COQ4: variants seen among roughly 807,000 people sequenced by gnomAD.
The protein encoded by COQ4 is ubiquinone biosynthesis protein COQ4 homolog, mitochondrial.
A neutral mutation model predicts 30.2 loss-of-function variants in COQ4; 36 were observed. The ratio of observed to expected loss-of-function variants is 1.19; its 90% CI spans 0.91 to 1.57. The LOEUF (loss-of-function observed/expected upper bound fraction) is 1.57, where lower values mean the gene tolerates loss of function less well. COQ4 is among the 40% of genes most tolerant of loss of function. The pLI is 0.00. For synonymous variants in COQ4, 197 were observed against 161.0 expected (o/e 1.22, Z -1.69); for missense variants, 369 against 371.9 (o/e 0.99, Z 0.07).
chr9:128,332,484 C>G, intron 5 of COQ4: 1 of 619,432 alleles, frequency 1.6e-6, no homozygotes, highest in East Asian at 2.8e-5. Flanking sequence ...AATGGAGCAG[C>G]AGAGCCCATC....
Position 128,333,601 on chromosome 9 carries a change from C to G in COQ4, c.754C>G (p.Leu252Val). 6.2e-7 allele frequency: 1 copy of G among 1,604,200 alleles called. No homozygotes were observed. ...GTCCCTGAGGGCTCTGCGGGAGGAG[C>G]TGGGCATTACAGCACCACCCATGCA... ...EQSLRALREE[L>V]GITAPPMHVQ... Residue 252 changes from leucine to valine, a missense_variant, in exon 7 of 7, where the codon CTG becomes GTG. By Grantham distance (32) the Leu-to-Val change is conservative. Coordinates refer to ENST00000300452, the MANE Select transcript of COQ4 (RefSeq NM_016035.5).
At chr9:128,323,282 G>C (rs1832248203) in intron 2 of COQ4, 135 bp downstream of exon 2, 3 of 867,556 alleles carry the variant, frequency 3.5e-6, no homozygotes, top group African/African-American at 1.8e-5. Flanking sequence ...TGAAAATGCA[G>C]ATTCCTGGAT....
At position 128,333,627 on chromosome 9, in the gene COQ4, C is replaced by A. The variant is rs200203275; in HGVS notation, c.780C>A (p.His260Gln). The A allele has an allele frequency of 6.4e-7, 1 of 1,574,608 alleles. No homozygotes were observed. The highest frequency in any genetic ancestry group is 8.6e-7 in the Non-Finnish European group (1 of 1,165,052). Residue 260 changes from histidine (H) to glutamine (Q), a missense_variant, in exon 7 of 7, where the codon CAC becomes CAA. His to Gln is a conservative substitution (Grantham distance 24, BLOSUM62 0). Transcript: ENST00000300452. ...EELGITAPPM[H>Q]VQGLA ...TGGGCATTACAGCACCACCCATGCA[C>A]GTCCAGGGCTTGGCCTGAGCTCCTG...
At chr9:128,332,743 C>G in intron 5 of COQ4, 107 bp from the exon 6 acceptor site, 1 of 891,134 alleles carries the variant, frequency 1.1e-6, no homozygotes. Flanking sequence ...CACAGCTGAC[C>G]CCGTAGAGAT....
At chr9:128,333,296 GC>G (rs1832445099) in intron 6 of COQ4, among the ~76,000 whole-genome samples, 177 bp from the exon 7 acceptor site, 1 of 152,186 alleles carries the variant, frequency 6.6e-6, no homozygotes, top group African/African-American at 2.4e-5. Context: ...AAGATGTGTG[GC>G]TTTGGGCTTG....
At chr9:128,328,726 ATC>A (rs1832361121) in intron 4 of COQ4, among the ~76,000 whole-genome samples, 1 of 152,202 alleles carries the variant, frequency 6.6e-6, no homozygotes, top group Admixed American at 6.5e-5. Context: ...ATTTTAAACC[ATC>A]TCTCTCAGAT....
At chr9:128,323,513 T>C in intron 2 of COQ4, 2 of 445,248 alleles carry the variant, frequency 4.5e-6, no homozygotes, top group East Asian at 7.1e-5. Flanking sequence ...TTCCACTGCA[T>C]CTGCAGCCTT....
intron 3 of COQ4, 74 bp from the exon 4 acceptor site, chr9:128,325,705 C>T: frequency 8.6e-7 from 1 of 1,164,624 alleles, no homozygotes; most frequent in East Asian, 2.3e-5. Context: ...TTCTCCCGCC[C>T]CTCAGCTCGC....
intron 3 of COQ4, 109 bp from the exon 4 acceptor site, chr9:128,325,667 TGTG>T (rs1197471661): frequency 1.1e-5 from 9 of 803,256 alleles, no homozygotes; most frequent in Admixed American, 6.4e-5. Context: ...CATTAAGGCT[TGTG>T]GTGGCCACAT....
In COQ4 at chr9:128,322,863, C is replaced by G. The variant is rs1243647034; in HGVS notation, c.5C>G (p.Ala2Gly). ...CCTCCGCGGACGCCCGCTGCCATGGCGACTCTGCTGCGCCCTGTCCTCCGT... is the reference window on the plus strand; with the variant it reads ...CCTCCGCGGACGCCCGCTGCCATGGGGACTCTGCTGCGCCCTGTCCTCCGT... MATLLRPVLRRL... is the reference protein window; with the variant it reads MGTLLRPVLRRL... Residue 2 changes from alanine to glycine, a missense_variant, in exon 1 of 7, where the codon GCG (alanine) becomes GGG (glycine). By Grantham distance (60) the Ala-to-Gly change is moderately conservative. Transcript: ENST00000300452. 13 of 1,565,700 alleles carry G rather than the reference C, an allele frequency of 8.3e-6. No homozygotes were observed. Among genetic ancestry groups the G allele is most frequent in the African/African-American group, 1.4e-5 (1 of 73,530 alleles).
Position 128,322,867 on chromosome 9 carries a change from T to C in COQ4, c.9T>C (p.Thr3=). The C allele has an allele frequency of 2.5e-6, 4 of 1,571,024 alleles. No homozygotes were observed. The highest frequency in any genetic ancestry group is 3.4e-6 in the Non-Finnish European group (4 of 1,162,248). Residue 3 remains threonine (T), a synonymous_variant, in exon 1 of 7, where the codon ACT becomes ACC. Coordinates refer to ENST00000300452, the MANE Select transcript of COQ4 (RefSeq NM_016035.5). The stretch of plus-strand genomic sequence containing the variant: ...CGCGGACGCCCGCTGCCATGGCGAC[T>C]CTGCTGCGCCCTGTCCTCCGTCGGC... The part of the protein sequence containing the change: MA[T]LLRPVLRRLC...
At chr9:128,323,811 T>C (rs960786012) in intron 2 of COQ4, among the ~76,000 whole-genome samples, 10 of 152,092 alleles carry the variant, frequency 6.6e-5, no homozygotes, top group African/African-American at 2.4e-4. Context: ...CAAGAATTAA[T>C]TGGGGCTGGT....
At chr9:128,324,645 T>C (rs774893809) in intron 2 of COQ4, among the ~76,000 whole-genome samples, 4 of 151,998 alleles carry the variant, frequency 2.6e-5, no homozygotes, top group Non-Finnish European at 5.9e-5. Context: ...AGACCTCATC[T>C]CTACAGAAAA....
At chr9:128,326,679 G>A (rs150965045) in intron 4 of COQ4, among the ~76,000 whole-genome samples, 3,768 of 152,222 alleles carry the variant, frequency 0.025, 69 homozygotes, top group Non-Finnish European at 0.039. Flanking sequence ...TCCTGACCAC[G>A]TGATCCGCCC....
At position 128,323,167 on chromosome 9, in the gene COQ4, GC is replaced by G. The variant is rs774530651; in HGVS notation, c.202+25del. On this transcript the variant is annotated intron_variant, in intron 2 of 6. Coordinates refer to ENST00000300452, the MANE Select transcript of COQ4 (RefSeq NM_016035.5). Reference sequence around the variant, plus strand: ...GCCACGGTAAGGCCGCCCGCGCCTCGCCCCCGTGGGGGCGGCTTGGAGCCGT... The same window carrying G: ...GCCACGGTAAGGCCGCCCGCGCCTCGCCCCGTGGGGGCGGCTTGGAGCCGT... 7.0e-6 allele frequency: 11 copies of G among 1,568,150 alleles called. No individual in the cohort carries two copies. The highest frequency in any genetic ancestry group is 1.9e-4 in the Middle Eastern group (1 of 5,178).
chr9:128,324,112 T>C (rs919405142), intron 2 of COQ4, among the ~76,000 whole-genome samples: 1 of 151,990 alleles, frequency 6.6e-6, no homozygotes, highest in Non-Finnish European at 1.5e-5. Flanking sequence ...GCCTCCTGAG[T>C]AGCTGGGATT....
At chr9:128,325,319 T>C (rs929657937) in intron 3 of COQ4, 80 bp downstream of exon 3, 14 of 1,029,262 alleles carry the variant, frequency 1.4e-5, no homozygotes, top group Non-Finnish European at 1.9e-5. Flanking sequence ...GTGTTTGTTC[T>C]GTTCCGCTAG....
chr9:128,332,699 A>C, intron 5 of COQ4, 151 bp from the exon 6 acceptor site: 1 of 687,892 alleles, frequency 1.5e-6, no homozygotes, highest in South Asian at 1.7e-5. Context: ...CTCCAAGCCA[A>C]GTGCCCCAGG....
chr9:128,327,531 G>A (rs1404835495), intron 4 of COQ4, among the ~76,000 whole-genome samples: 1 of 152,178 alleles, frequency 6.6e-6, no homozygotes, highest in East Asian at 1.9e-4. Context: ...CATGCGTGTT[G>A]GCTCATGCCT....
Sources: gnomAD v4.1 joint callset for allele counts (sites outside exome capture counted in the v4.1 genomes callset) on GRCh38, gnomAD v4.1.1 for gene constraint, MANE v1.5 for transcripts, NCBI Gene and HGNC (gene_info 2026-07-23, HGNC 2026-07-21) for gene names.